DZIP1: variants seen among roughly 807,000 people sequenced by gnomAD.
DZIP1 encodes cilium assembly protein DZIP1.
In DZIP1, 97 loss-of-function variants were observed where a neutral mutation model predicts 107.6. The ratio of observed to expected loss-of-function variants is 0.90; its 90% CI spans 0.77 to 1.07. The LOEUF is 1.07. Ranked by LOEUF, DZIP1 falls within the 50% of genes least tolerant of loss-of-function variation. DZIP1 has a pLI of 0.00. For synonymous variants in DZIP1, 390 were observed against 386.4 expected (o/e 1.01, Z -0.11); for missense variants, 1,035 against 1,063.6 (o/e 0.97, Z 0.37).
Position 95,617,078 on chromosome 13 carries a change from C to T in DZIP1, c.1173+2807G>A, listed in dbSNP as rs559730519. On this transcript the variant is annotated intron_variant, in intron 10 of 22. Coordinates refer to ENST00000376829, the MANE Select transcript of DZIP1 (RefSeq NM_198968.4). ...CAAAAATTAGCTCAGCATGGTGGCA[C>T]GTAATCCCAGCTACTCGGGAGGCTA... Among the ~76,000 whole-genome samples the T allele has an allele frequency of 2.6e-5, 4 of 151,898 alleles. No individual in the cohort carries two copies. In the South Asian group the frequency reaches 6.3e-4, roughly 24 times the overall value.
intron 6 of DZIP1, among the ~76,000 whole-genome samples, chr13:95,630,333 C>T (rs1594730881): frequency 6.6e-6 from 1 of 152,232 alleles, no homozygotes; most frequent in South Asian, 2.1e-4. Flanking sequence ...CTTTCAGCCG[C>T]TGTGTTGAGG....
At chr13:95,591,022 CTTTTTTTTTTTT>C (rs755824494) in intron 16 of DZIP1, among the ~76,000 whole-genome samples, 2 of 127,454 alleles carry the variant, frequency 1.6e-5, no homozygotes, top group Admixed American at 7.9e-5. Context: ...GAGGTGACTT[CTTTTTTTTTTTT>C]TTTTTTTTTC....
chr13:95,616,518 G>C (rs574224844), intron 10 of DZIP1, among the ~76,000 whole-genome samples: 1 of 152,316 alleles, frequency 6.6e-6, no homozygotes, highest in South Asian at 2.1e-4. Flanking sequence ...GGCCAATGAC[G>C]TGATTGGAGA....
At chr13:95,588,730 C>A (rs1006399111) in intron 19 of DZIP1, among the ~76,000 whole-genome samples, 1 of 152,126 alleles carries the variant, frequency 6.6e-6, no homozygotes, top group East Asian at 1.9e-4. Context: ...CCTAAGAGAA[C>A]CTAAGACAGG....
At chr13:95,642,831 G>T (rs945592869) in intron 3 of DZIP1, among the ~76,000 whole-genome samples, 6 of 149,830 alleles carry the variant, frequency 4.0e-5, no homozygotes, top group East Asian at 3.9e-4. Flanking sequence ...CACCCAAGTT[G>T]CTTTTTAAAT....
In DZIP1 at chr13:95,628,068, G is replaced by T. The variant is rs1456442916; in HGVS notation, c.810+1921C>A. Among the ~76,000 whole-genome samples, 7 of 151,792 alleles carry T rather than the reference G, an allele frequency of 4.6e-5. No homozygotes were observed. In the East Asian group the frequency reaches 9.7e-4, roughly 21 times the overall value. Reference sequence around the variant, plus strand: ...CATTACTTTTTTTTTTTCAGATGGGGTCTCATTCTGTAGCCAAATGGGGTG... The same window carrying T: ...CATTACTTTTTTTTTTTCAGATGGGTTCTCATTCTGTAGCCAAATGGGGTG... On this transcript the variant is annotated intron_variant, in intron 7 of 22. Coordinates refer to ENST00000376829, the MANE Select transcript of DZIP1 (RefSeq NM_198968.4).
At position 95,584,615 on chromosome 13, in the gene DZIP1, AAGCACTGAC is replaced by A. The variant is rs1566356050; in HGVS notation, c.2524+112_2524+120del. The stretch of plus-strand genomic sequence containing the variant: ...AATCCTTATTTAAATAACATAAAGA[AAGCACTGAC>A]AGCTTTTTTGTCTGATGATATACCA... On this transcript the variant is annotated intron_variant, in intron 22 of 22. Coordinates refer to ENST00000376829, the MANE Select transcript of DZIP1 (RefSeq NM_198968.4). 2.0e-6 allele frequency: 3 copies of A among 1,463,766 alleles called. No homozygotes were observed. The Admixed American group carries it at 7.2e-5, about 35-fold the overall frequency. The allele number at this position is 1,463,766 out of a possible 1,614,324, so 90.7% of individuals were successfully genotyped here. A position where few individuals can be genotyped will look rare whatever the true frequency, so the allele number is the denominator to read the frequency against.
In DZIP1 at chr13:95,594,075, C is replaced by T; in HGVS notation, c.1549G>A (p.Glu517Lys). Reference sequence around the variant, plus strand: ...ATTTTGTTGTTATTTAATTTCTGTTCATTTTCCCTTCCTGAAATAAGGTTT... The same window carrying T: ...ATTTTGTTGTTATTTAATTTCTGTTTATTTTCCCTTCCTGAAATAAGGTTT... The part of the protein sequence containing the change: ...LSEEEKGREN[E>K]QKLNNNKMHL... Residue 517 changes from glutamate to lysine, a missense_variant, in exon 16 of 23, where the codon GAA (glutamate) becomes AAA (lysine). Glu to Lys is a moderately conservative substitution (Grantham distance 56). Coordinates refer to ENST00000376829, the MANE Select transcript of DZIP1 (RefSeq NM_198968.4). The T allele has an allele frequency of 1.3e-6, 2 of 1,597,074 alleles. No homozygotes were observed. The highest frequency in any genetic ancestry group is 1.7e-6 in the Non-Finnish European group (2 of 1,173,456).
chr13:95,597,682 G>A (rs1252089719), intron 15 of DZIP1, among the ~76,000 whole-genome samples: 1 of 152,186 alleles, frequency 6.6e-6, no homozygotes, highest in Non-Finnish European at 1.5e-5. Flanking sequence ...GCTCAGCCCT[G>A]CTAAATGTTG....
chr13:95,611,716 CTAAAA>C lies in DZIP1; in HGVS notation c.1315-228_1315-224del, dbSNP rs545930636. On this transcript the variant is annotated intron_variant, in intron 11 of 22. Coordinates refer to ENST00000376829, the MANE Select transcript of DZIP1 (RefSeq NM_198968.4). ...AAACCTGTCCATGTACACCTTGAAT[CTAAAA>C]TAAAATAACAAAAAATCTTTTTAAA... is the stretch of plus-strand genomic sequence containing the variant. Among the ~76,000 whole-genome samples the C allele has an allele frequency of 5.9e-5, 9 of 152,268 alleles. No homozygotes were observed. In the South Asian group the frequency reaches 1.9e-3, roughly 32 times the overall value.
chr13:95,631,001 T>C (rs563788386), intron 6 of DZIP1, among the ~76,000 whole-genome samples: 1 of 152,328 alleles, frequency 6.6e-6, no homozygotes, highest in East Asian at 1.9e-4. Flanking sequence ...TTAATGAGAT[T>C]ATTATGCTGT....
chr13:95,596,918 C>A (rs912021226), intron 15 of DZIP1, among the ~76,000 whole-genome samples: 4 of 152,192 alleles, frequency 2.6e-5, no homozygotes, highest in African/African-American at 9.7e-5. Context: ...TATGTTAACT[C>A]CACAGAGGTG....
intron 15 of DZIP1, among the ~76,000 whole-genome samples, chr13:95,594,693 C>T (rs1343384617): frequency 6.6e-6 from 1 of 151,714 alleles, no homozygotes; most frequent in East Asian, 1.9e-4. Flanking sequence ...AAGCTAAGTA[C>T]ATATAAAATT....
intron 22 of DZIP1, among the ~76,000 whole-genome samples, chr13:95,583,236 G>C (rs2044059231): frequency 6.7e-6 from 1 of 150,314 alleles, no homozygotes; most frequent in Middle Eastern, 3.4e-3. Context: ...ACACCAGCCT[G>C]GGCAAGCTGG....
rs147996247 is a variant in DZIP1 at position 95,578,935 on chromosome 13, C to G, written c.*3299G>C. The G allele has an allele frequency of 6.6e-6, 1 of 152,280 alleles. No homozygotes were observed. Among genetic ancestry groups the G allele is most frequent in the African/African-American group, 2.4e-5 (1 of 41,544 alleles). The allele number at this position is 152,280 out of a possible 1,614,324, so 9.4% of individuals were successfully genotyped here. ...TGTTAAGGGGCTGAGGCGTCCCTGG[C>G]ACGGAATGCAGAGCCCTGAGCTAGG... On this transcript the variant is annotated 3_prime_UTR_variant, in exon 23 of 23. Transcript: ENST00000376829.
At chr13:95,628,541 A>G (rs972619327) in intron 7 of DZIP1, among the ~76,000 whole-genome samples, 13 of 152,230 alleles carry the variant, frequency 8.5e-5, no homozygotes, top group African/African-American at 3.1e-4. Context: ...ACTGGATTGT[A>G]CACTGTAAAA....
intron 22 of DZIP1, 148 bp downstream of exon 22, chr13:95,584,588 C>G: frequency 7.1e-7 from 1 of 1,408,652 alleles, no homozygotes; most frequent in African/African-American, 1.4e-5. Context: ...TTATGCATAT[C>G]CAATCCTTAT....
rs2043998761 is a variant in DZIP1 at position 95,580,512 on chromosome 13, C to G, written c.*1722G>C. 1 of 152,146 alleles carries G rather than the reference C, an allele frequency of 6.6e-6. No homozygotes were observed. The highest frequency in any genetic ancestry group is 1.5e-5 in the Non-Finnish European group (1 of 68,038). The allele number at this position is 152,146 out of a possible 1,614,324, so 9.4% of individuals were successfully genotyped here. ...CAGACACAAAACATGGAATAGAGACCTGGCTTAAAGTCTCCCCTTGACACT... is the reference window on the plus strand; with the variant it reads ...CAGACACAAAACATGGAATAGAGACGTGGCTTAAAGTCTCCCCTTGACACT... On this transcript the variant is annotated 3_prime_UTR_variant, in exon 23 of 23. Transcript: ENST00000376829.
At chr13:95,610,167 G>T (rs1258692246) in intron 12 of DZIP1, among the ~76,000 whole-genome samples, 3 of 149,664 alleles carry the variant, frequency 2.0e-5, no homozygotes, top group Non-Finnish European at 4.4e-5. Context: ...TGAATGATAT[G>T]GAGACAGGCA....
Sources: gnomAD v4.1 joint callset for allele counts (sites outside exome capture counted in the v4.1 genomes callset) on GRCh38, gnomAD v4.1.1 for gene constraint, MANE v1.5 for transcripts, NCBI Gene and HGNC (gene_info 2026-07-23, HGNC 2026-07-21) for gene names.